ST6GAL1: variants seen among roughly 807,000 people sequenced by gnomAD.
ST6GAL1 encodes the protein ST6 beta-galactoside alpha-2,6-sialyltransferase 1, also known as beta-galactoside alpha-2,6-sialyltransferase 1.
Under a neutral mutation model 38.0 loss-of-function variants are expected in ST6GAL1, and 20 were observed. The ratio of observed to expected loss-of-function variants is 0.53; its 90% CI spans 0.37 to 0.77. The LOEUF is 0.77. ST6GAL1 is among the 30% of genes least tolerant of loss of function. The pLI is 0.00. For synonymous variants in ST6GAL1, 196 were observed against 188.2 expected, an observed-to-expected ratio of 1.04 and a Z score of -0.34; for missense variants, 432 against 496.4, an observed-to-expected ratio of 0.87 and a Z score of 1.23.
chr3:186,964,756 A>G (rs1005029070), intron 2 of ST6GAL1, among the ~76,000 whole-genome samples: 3 of 152,218 alleles, frequency 2.0e-5, no homozygotes, highest in African/African-American at 7.2e-5. Flanking sequence ...GGCAAGTGCT[A>G]CAACCCAGGG....
intron 4 of ST6GAL1, among the ~76,000 whole-genome samples, chr3:187,047,720 T>C (rs2108584003): frequency 6.6e-6 from 1 of 151,620 alleles, no homozygotes; most frequent in South Asian, 2.1e-4. Context: ...AGTTCAACTT[T>C]CAATTAGCAG....
At chr3:186,971,181 C>T (rs1318609755) in intron 2 of ST6GAL1, among the ~76,000 whole-genome samples, 3 of 152,206 alleles carry the variant, frequency 2.0e-5, no homozygotes, top group East Asian at 3.8e-4. Flanking sequence ...CTCCACCTCC[C>T]GGGTTCAAGC....
Position 187,043,199 on chromosome 3 carries a change from G to C in ST6GAL1, c.496G>C (p.Glu166Gln), listed in dbSNP as rs768988754. Reference protein sequence around the residue: ...TDFPFNTSEWEGYLPKESIRT... With the variant: ...TDFPFNTSEWQGYLPKESIRT... ...TTTTCCCTTCAATACCTCTGAATGG[G>C]AGGGTTATCTGCCCAAGGAGAGCAT... Residue 166 changes from glutamate (E) to glutamine (Q), a missense_variant, in exon 4 of 8, where the codon GAG becomes CAG. By Grantham distance (29) the Glu-to-Gln change is conservative (BLOSUM62 2). Transcript: ENST00000169298. 2 of 1,614,234 alleles carry C rather than the reference G, an allele frequency of 1.2e-6. No individual in the cohort carries two copies. The highest frequency in any genetic ancestry group is 1.7e-5 in the Admixed American group (1 of 60,036).
chr3:187,014,160 C>G (rs1717048658), intron 2 of ST6GAL1, among the ~76,000 whole-genome samples: 1 of 152,216 alleles, frequency 6.6e-6, no homozygotes, highest in Admixed American at 6.5e-5. Context: ...GAAGTAGGTG[C>G]TTTTGCACAC....
Position 187,024,339 on chromosome 3 carries a change from C to T in ST6GAL1, c.-182-14403C>T, listed in dbSNP as rs552227761. 1.4e-3 allele frequency among the ~76,000 whole-genome samples: 210 copies of T among 151,468 alleles called. 1 individual carries two copies. The highest frequency in any genetic ancestry group is 4.9e-3 in the African/African-American group (201 of 41,284). ...TGATCTCCTGACCTCGTGATCTGCC[C>T]GCCTCGGCCTCCCAAAGTGCTGGGA... On this transcript the variant is annotated intron_variant, in intron 2 of 7. Transcript: ENST00000169298.
intron 1 of ST6GAL1, among the ~76,000 whole-genome samples, chr3:186,961,277 C>T (rs1473296442): frequency 6.6e-6 from 1 of 152,122 alleles, no homozygotes; most frequent in Non-Finnish European, 1.5e-5. Flanking sequence ...CGCCCGGCCC[C>T]ATCACTTGAT....
chr3:186,991,437 C>G (rs1184451785), intron 2 of ST6GAL1, among the ~76,000 whole-genome samples: 1 of 152,074 alleles, frequency 6.6e-6, no homozygotes, highest in African/African-American at 2.4e-5. Flanking sequence ...GGGAAGGGTT[C>G]CTAACTCACA....
chr3:186,991,367 G>A (rs890781891), intron 2 of ST6GAL1, among the ~76,000 whole-genome samples: 3 of 152,118 alleles, frequency 2.0e-5, no homozygotes, highest in African/African-American at 7.2e-5. Flanking sequence ...TAGAGGAAAC[G>A]GACATAGAAA....
chr3:186,932,133 A>G (rs1422178727), intron 1 of ST6GAL1, among the ~76,000 whole-genome samples: 6 of 101,042 alleles, frequency 5.9e-5, no homozygotes, highest in Non-Finnish European at 1.1e-4. Context: ...CTGAAGATTA[A>G]CCTGTCCCCG....
chr3:187,052,176 C>T (rs1718537698), intron 5 of ST6GAL1, among the ~76,000 whole-genome samples: 1 of 152,188 alleles, frequency 6.6e-6, no homozygotes, highest in Admixed American at 6.5e-5. Flanking sequence ...CTTTCCTTCT[C>T]TACTAGGGCT....
At chr3:187,021,375 C>T (rs958436406) in intron 2 of ST6GAL1, among the ~76,000 whole-genome samples, 14 of 152,228 alleles carry the variant, frequency 9.2e-5, no homozygotes, top group Non-Finnish European at 1.9e-4. Context: ...GAAACAGTCT[C>T]TCTCCTGCCG....
rs562997131 is a variant in ST6GAL1 at position 187,017,675 on chromosome 3, AG to A, written c.-182-21066del. Among the ~76,000 whole-genome samples, 23 of 152,308 alleles carry A rather than the reference AG, an allele frequency of 1.5e-4. No individual in the cohort carries two copies. The South Asian group carries it at 4.8e-3, about 32-fold the overall frequency. ...AGTTGTTGCCTTGGTGACTTTAAGGAGAGGTAGTTGCACTTCAGTGATTCTG... is the reference window on the plus strand; with the variant it reads ...AGTTGTTGCCTTGGTGACTTTAAGGAAGGTAGTTGCACTTCAGTGATTCTG... On this transcript the variant is annotated intron_variant, in intron 2 of 7. Coordinates refer to ENST00000169298, the MANE Select transcript of ST6GAL1 (RefSeq NM_173216.2).
At chr3:186,992,916 CT>C (rs557651808) in intron 2 of ST6GAL1, among the ~76,000 whole-genome samples, 81 of 152,314 alleles carry the variant, frequency 5.3e-4, no homozygotes, top group African/African-American at 1.9e-3. Flanking sequence ...ATATTTTCCA[CT>C]GCTGGTCAGT....
intron 5 of ST6GAL1, chr3:187,072,421 C>T (rs947783878): frequency 8.1e-6 from 2 of 247,546 alleles, no homozygotes; most frequent in Non-Finnish European, 1.6e-5. Flanking sequence ...ATGTCAGTCT[C>T]CATCAGGATG....
At chr3:187,068,627 T>G (rs1719254772) in intron 5 of ST6GAL1, among the ~76,000 whole-genome samples, 1 of 152,230 alleles carries the variant, frequency 6.6e-6, no homozygotes. Context: ...TTGGAATTTC[T>G]GAGGACGGTG....
chr3:187,071,593 C>T (rs1719374488), intron 5 of ST6GAL1, among the ~76,000 whole-genome samples: 1 of 151,262 alleles, frequency 6.6e-6, no homozygotes, highest in Non-Finnish European at 1.5e-5. Context: ...ACTAAAAATA[C>T]AAAAAAACCC....
intron 2 of ST6GAL1, among the ~76,000 whole-genome samples, chr3:186,978,133 C>T (rs1462194705): frequency 6.6e-6 from 1 of 152,162 alleles, no homozygotes; most frequent in Non-Finnish European, 1.5e-5. Flanking sequence ...ATCGCTTGAA[C>T]CCAGGAGGCA....
intron 2 of ST6GAL1, among the ~76,000 whole-genome samples, chr3:186,984,748 C>T (rs868215789): frequency 1.8e-3 from 63 of 35,924 alleles, no homozygotes; most frequent in Non-Finnish European, 2.5e-3. Flanking sequence ...CCTTCCCTCC[C>T]TCCCTCCCTC....
At chr3:186,945,869 C>T (rs1429792616) in intron 1 of ST6GAL1, among the ~76,000 whole-genome samples, 18 of 150,872 alleles carry the variant, frequency 1.2e-4, no homozygotes, top group African/African-American at 4.1e-4. Context: ...TGGGCACCTG[C>T]AGTCTCAGCT....
Sources: allele counts gnomAD v4.1 joint callset (sites outside exome capture counted in the v4.1 genomes callset), GRCh38; gene constraint gnomAD v4.1.1; transcripts MANE v1.5; gene names NCBI Gene and HGNC (gene_info 2026-07-23, HGNC 2026-07-21).